ADAM22: variants seen among roughly 807,000 people sequenced by gnomAD.
ADAM22 encodes ADAM metallopeptidase domain 22, also known as disintegrin and metalloproteinase domain-containing protein 22.
Under a neutral mutation model 144.6 loss-of-function variants are expected in ADAM22, and 65 were observed. That is an observed-to-expected ratio of 0.45 (90% confidence interval 0.37 to 0.55). The LOEUF (loss-of-function observed/expected upper bound fraction) is 0.55, where lower values mean the gene tolerates loss of function less well. Among genes scored for constraint, ADAM22 ranks in the 20% least tolerant of loss-of-function variants. ADAM22 has a pLI of 0.00. For synonymous variants in ADAM22, 391 were observed against 412.6 expected (o/e 0.95, Z 0.63); for missense variants, 974 against 1,184.9 (o/e 0.82, Z 2.61).
chr7:88,140,909 T>G (rs780423028), intron 14 of ADAM22, among the ~76,000 whole-genome samples: 1 of 152,130 alleles, frequency 6.6e-6, no homozygotes, highest in Non-Finnish European at 1.5e-5. Flanking sequence ...TCTGAGAGTA[T>G]TCACTAGACG....
chr7:88,093,517 TTTTG>T (rs1215404578), intron 4 of ADAM22, among the ~76,000 whole-genome samples: 1 of 152,038 alleles, frequency 6.6e-6, no homozygotes, highest in Non-Finnish European at 1.5e-5. Context: ...TTTTGTTTTG[TTTTG>T]TTTCTTTTTT....
At chr7:87,959,073 T>C (rs1046208752) in intron 2 of ADAM22, among the ~76,000 whole-genome samples, 1 of 152,270 alleles carries the variant, frequency 6.6e-6, no homozygotes, top group Middle Eastern at 3.4e-3. Context: ...TTAGAATATC[T>C]TAATTTTTCA....
chr7:88,004,828 C>T (rs1793402775), intron 3 of ADAM22, among the ~76,000 whole-genome samples: 2 of 152,252 alleles, frequency 1.3e-5, no homozygotes, highest in Admixed American at 6.5e-5. Context: ...TTTTGCCTCT[C>T]AGATTAATGA....
At chr7:88,103,052 G>A (rs1269625663) in intron 4 of ADAM22, among the ~76,000 whole-genome samples, 1 of 152,174 alleles carries the variant, frequency 6.6e-6, no homozygotes, top group Non-Finnish European at 1.5e-5. Context: ...GTAGGAAGAG[G>A]TTGCAGTATG....
intron 17 of ADAM22, among the ~76,000 whole-genome samples, chr7:88,146,389 G>A (rs921107917): frequency 1.3e-5 from 2 of 152,190 alleles, no homozygotes; most frequent in Admixed American, 1.3e-4. Context: ...TCTACTGTGT[G>A]CCAGAGATTA....
rs528454798 is a variant in ADAM22, at chr7:88,129,367, T to C, written c.753+691T>C. 2.0e-5 allele frequency among the ~76,000 whole-genome samples: 3 copies of C among 152,178 alleles called. No homozygotes were observed. In the South Asian group the frequency reaches 6.2e-4, roughly 32 times the overall value. ...TTGCTGAATTTTACTTAAGTTCAGG[T>C]ACAAGTGCATTTTAATTTACTTTGA... is the stretch of plus-strand genomic sequence containing the variant. On this transcript the variant is annotated intron_variant, in intron 9 of 31. Transcript: ENST00000413139.
intron 13 of ADAM22, 23 bp from the exon 14 acceptor site, chr7:88,135,957 C>G (rs576933377): frequency 6.3e-7 from 1 of 1,599,492 alleles, no homozygotes; most frequent in African/African-American, 1.3e-5. Context: ...TATAACAAGG[C>G]ATGTGTATTA....
intron 3 of ADAM22, among the ~76,000 whole-genome samples, chr7:88,058,005 G>A (rs1808755950): frequency 6.6e-6 from 1 of 152,134 alleles, no homozygotes; most frequent in Admixed American, 6.6e-5. Context: ...CACATTTTCT[G>A]GCTAGGTATA....
chr7:88,128,571 A>G (rs771110652), intron 8 of ADAM22, 31 bp from the exon 9 acceptor site: 2 of 1,575,620 alleles, frequency 1.3e-6, no homozygotes, highest in Non-Finnish European at 1.7e-6. Flanking sequence ...AGAGGGCTGA[A>G]TTAGGTGCTG....
intron 4 of ADAM22, among the ~76,000 whole-genome samples, chr7:88,085,832 T>C (rs1452407264): frequency 1.3e-5 from 2 of 152,216 alleles, no homozygotes; most frequent in Non-Finnish European, 2.9e-5. Flanking sequence ...TTTATAGTTT[T>C]ATCACCAAAG....
intron 9 of ADAM22, among the ~76,000 whole-genome samples, 155 bp downstream of exon 9, chr7:88,128,831 A>G (rs905049171): frequency 2.0e-5 from 3 of 152,090 alleles, no homozygotes; most frequent in African/African-American, 7.2e-5. Context: ...ACAACCTGCA[A>G]TTAGGAAATA....
chr7:88,027,476 T>C (rs1799256159), intron 3 of ADAM22, among the ~76,000 whole-genome samples: 1 of 152,210 alleles, frequency 6.6e-6, no homozygotes, highest in South Asian at 2.1e-4. Context: ...TGTATGTGTA[T>C]AGGAATTTAC....
chr7:87,970,360 A>G (rs1010079547), intron 2 of ADAM22, among the ~76,000 whole-genome samples: 1 of 152,204 alleles, frequency 6.6e-6, no homozygotes, highest in Non-Finnish European at 1.5e-5. Context: ...AGGACGCAGT[A>G]CCTAAAGTAC....
intron 3 of ADAM22, among the ~76,000 whole-genome samples, chr7:88,067,042 C>A (rs1358029841): frequency 5.3e-5 from 8 of 152,014 alleles, no homozygotes; most frequent in Non-Finnish European, 1.0e-4. Context: ...CCAAAATCTC[C>A]ATTTCTAGGG....
intron 3 of ADAM22, among the ~76,000 whole-genome samples, chr7:88,033,821 A>G (rs939166643): frequency 6.6e-6 from 1 of 152,092 alleles, no homozygotes; most frequent in African/African-American, 2.4e-5. Context: ...CCCTGTGTCC[A>G]CCACCCCACA....
chr7:88,169,021 A>G (rs972336363), intron 25 of ADAM22, among the ~76,000 whole-genome samples: 6 of 152,138 alleles, frequency 3.9e-5, no homozygotes, highest in African/African-American at 9.7e-5. Context: ...ATATATGTCA[A>G]ACACTCAAAG....
chr7:88,049,135 T>A (rs1805487560), intron 3 of ADAM22, among the ~76,000 whole-genome samples: 2 of 152,184 alleles, frequency 1.3e-5, no homozygotes, highest in South Asian at 4.1e-4. Context: ...GGCCTGCTGG[T>A]TGTTCTCAGA....
chr7:87,951,916 G>A (rs565047235), intron 2 of ADAM22, among the ~76,000 whole-genome samples: 7 of 146,184 alleles, frequency 4.8e-5, no homozygotes, highest in Non-Finnish European at 9.0e-5. Context: ...GTGAATGGTA[G>A]TTCACTCATG....
intron 15 of ADAM22, 134 bp downstream of exon 15, chr7:88,143,259 A>G (rs1835338546): frequency 4.0e-6 from 2 of 499,406 alleles, no homozygotes; most frequent in East Asian, 3.2e-5. Flanking sequence ...TAGATATGCT[A>G]TATATCTGCA....
Sources: gnomAD v4.1 joint callset for allele counts (sites outside exome capture counted in the v4.1 genomes callset) on GRCh38, gnomAD v4.1.1 for gene constraint, MANE v1.5 for transcripts, NCBI Gene and HGNC (gene_info 2026-07-23, HGNC 2026-07-21) for gene names.